MEGF10: variants seen among roughly 807,000 people sequenced by gnomAD.
MEGF10 encodes the protein multiple EGF like domains 10.
In MEGF10, 86 loss-of-function variants were observed where a neutral mutation model predicts 147.5. The ratio of observed to expected loss-of-function variants is 0.58; its 90% confidence interval spans 0.49 to 0.70. The LOEUF is 0.70. Ranked by LOEUF, MEGF10 falls within the 30% of genes least tolerant of loss-of-function variation. The probability of loss-of-function intolerance (pLI) is 0.00; values close to 1 mark genes in which losing one functional copy is unlikely to be tolerated. For synonymous variants in MEGF10, 478 were observed against 525.5 expected (o/e 0.91, Z 1.24); for missense variants, 1,329 against 1,487.3 (o/e 0.89, Z 1.75).
intron 4 of MEGF10, among the ~76,000 whole-genome samples, chr5:127,351,097 A>G (rs911331289): frequency 2.0e-5 from 3 of 152,240 alleles, no homozygotes; most frequent in South Asian, 2.1e-4. Context: ...CAGGGTGATT[A>G]TAGTCAGTAA....
chr5:127,460,239 A>T lies in MEGF10; in HGVS notation c.*2921A>T, dbSNP rs1766514664. 6.6e-6 allele frequency: 1 copy of T among 152,180 alleles called. No homozygotes were observed. Among genetic ancestry groups the T allele is most frequent in the South Asian group, 2.1e-4 (1 of 4,834 alleles). The allele number at this position is 152,180 out of a possible 1,614,324, so 9.4% of individuals were successfully genotyped here. A position where few individuals can be genotyped will look rare whatever the true frequency, so the allele number is the denominator to read the frequency against. On this transcript the variant is annotated 3_prime_UTR_variant, in exon 25 of 25. Transcript: ENST00000503335. Reference sequence around the variant, plus strand: ...TGATGTATCAGAAAATTTATAAGTTATTTGTATTTATATATAAGTACATCA... The same window carrying T: ...TGATGTATCAGAAAATTTATAAGTTTTTTGTATTTATATATAAGTACATCA...
chr5:127,389,139 C>G (rs1214190064), intron 5 of MEGF10, among the ~76,000 whole-genome samples: 1 of 152,188 alleles, frequency 6.6e-6, no homozygotes, highest in African/African-American at 2.4e-5. Flanking sequence ...GTACTGATGC[C>G]ACCACTGACT....
intron 2 of MEGF10, among the ~76,000 whole-genome samples, chr5:127,337,757 G>A (rs1761523632): frequency 6.6e-6 from 1 of 151,970 alleles, no homozygotes; most frequent in African/African-American, 2.4e-5. Flanking sequence ...CACCATCTCT[G>A]ACTCCTTTTA....
rs200071492 is a variant in MEGF10 at position 127,339,441 on chromosome 5, T to G, written c.218+220T>G. ...ACAGCCTAACTGCAGAGAAAGTGTC[T>G]GCTGTTTACCATCATTTGTTAACAA... On this transcript the variant is annotated intron_variant, in intron 3 of 24. Coordinates refer to ENST00000503335, the MANE Select transcript of MEGF10 (RefSeq NM_001256545.2). 4.6e-5 allele frequency among the ~76,000 whole-genome samples: 7 copies of G among 152,300 alleles called. No individual in the cohort carries two copies. The East Asian group carries it at 1.4e-3, about 29-fold the overall frequency.
Position 127,420,967 on chromosome 5 carries a change from G to A in MEGF10, c.1590+760G>A, listed in dbSNP as rs377341077. Among the ~76,000 whole-genome samples the A allele has an allele frequency of 2.8e-3, 431 of 152,136 alleles. 4 individuals are homozygous for A. Among genetic ancestry groups the A allele is most frequent in the African/African-American group, 9.9e-3 (410 of 41,502 alleles). On this transcript the variant is annotated intron_variant, in intron 12 of 24. Coordinates refer to ENST00000503335, the MANE Select transcript of MEGF10 (RefSeq NM_001256545.2). ...GTTAACAATGTGACCCCCTGAACTG[G>A]GCCCCTCGAGAAGGGCCTTCCACAA...
the MEGF10 span, among the ~76,000 whole-genome samples, chr5:127,284,923 C>T: frequency 1.6e-4 from 25 of 152,042 alleles, no homozygotes; most frequent in African/African-American, 5.6e-4. Context: ...ACTTAGTTTT[C>T]TTTATTCAAA....
chr5:127,416,475 T>C (rs1764784490), intron 9 of MEGF10, among the ~76,000 whole-genome samples: 1 of 152,194 alleles, frequency 6.6e-6, no homozygotes, highest in African/African-American at 2.4e-5. Flanking sequence ...TCTGGTCCTG[T>C]GAATCTAAAC....
Position 127,382,812 on chromosome 5 carries a change from G to A in MEGF10, c.412+12810G>A, listed in dbSNP as rs199718812. On this transcript the variant is annotated intron_variant, in intron 5 of 24. Coordinates refer to ENST00000503335, the MANE Select transcript of MEGF10 (RefSeq NM_001256545.2). ...GGGTAGGATAAGGTAATTCAGAGGC[G>A]AGAAACCTGATTGACCAATGAACAT... Among the ~76,000 whole-genome samples, 26 of 152,312 alleles carry A rather than the reference G, an allele frequency of 1.7e-4. No homozygotes were observed. In the East Asian group the frequency reaches 4.0e-3, roughly 24 times the overall value.
At chr5:127,239,461 A>AAT in the MEGF10 span, among the ~76,000 whole-genome samples, 31 of 131,308 alleles carry the variant, frequency 2.4e-4, 1 homozygote, top group South Asian at 2.8e-3. Flanking sequence ...TTATATATAA[A>AAT]ATATATATAT....
At chr5:127,453,974 C>A (rs1766259190) in intron 22 of MEGF10, among the ~76,000 whole-genome samples, 1 of 152,100 alleles carries the variant, frequency 6.6e-6, no homozygotes, top group African/African-American at 2.4e-5. Flanking sequence ...GGCCATTTTC[C>A]AATGAGAAAG....
At chr5:127,309,989 C>CTTTT (rs1163688984) in intron 1 of MEGF10, among the ~76,000 whole-genome samples, 1 of 77,428 alleles carries the variant, frequency 1.3e-5, no homozygotes, top group Admixed American at 1.2e-4. Context: ...TTCTTTCTTT[C>CTTTT]TTTCTTTCCT....
chr5:127,381,351 T>C (rs1383270008), intron 5 of MEGF10, among the ~76,000 whole-genome samples: 2 of 151,900 alleles, frequency 1.3e-5, no homozygotes, highest in Admixed American at 1.3e-4. Flanking sequence ...TTTAAAAGAA[T>C]GTTTGTACAG....
the MEGF10 span, among the ~76,000 whole-genome samples, chr5:127,266,760 C>A: frequency 5.7e-4 from 86 of 152,154 alleles, no homozygotes; most frequent in African/African-American, 2.0e-3. Context: ...GTGATTTTTG[C>A]ATATTAATTT....
intron 7 of MEGF10, among the ~76,000 whole-genome samples, chr5:127,400,421 C>T (rs1281697501): frequency 6.6e-6 from 1 of 152,200 alleles, no homozygotes; most frequent in Non-Finnish European, 1.5e-5. Flanking sequence ...AAGGCTACTC[C>T]TTCTCTACCT....
chr5:127,456,446 T>G (rs993422812), intron 24 of MEGF10, among the ~76,000 whole-genome samples: 4 of 152,202 alleles, frequency 2.6e-5, no homozygotes, highest in Non-Finnish European at 4.4e-5. Context: ...TCTGTCTCTA[T>G]TTCTATGTCT....
At chr5:127,432,898 G>A (rs78833395) in intron 13 of MEGF10, among the ~76,000 whole-genome samples, 2,096 of 152,264 alleles carry the variant, frequency 0.014, 29 homozygotes, top group East Asian at 0.05. Context: ...GTTATTTTAA[G>A]ATTATGTTTA....
Position 127,396,704 on chromosome 5 carries a change from C to G in MEGF10, c.585C>G (p.Cys195Trp). The change falls in exon 6 of 25, where the codon TGC becomes TGG. Residue 195 changes from cysteine (C) to tryptophan (W), a missense_variant. Coordinates refer to ENST00000503335, the MANE Select transcript of MEGF10 (RefSeq NM_001256545.2). ...GTYGNDCHQR[C>W]QCQNGATCDH... is the part of the protein sequence containing the mutation. ...ATGGTAACGACTGTCATCAGAGATG[C>G]CAGTGCCAGAATGGAGCCACCTGCG... 3 of 1,614,110 alleles carry G rather than the reference C, an allele frequency of 1.9e-6. No homozygotes were observed. The highest frequency in any genetic ancestry group is 2.5e-6 in the Non-Finnish European group (3 of 1,180,020).
intron 5 of MEGF10, among the ~76,000 whole-genome samples, chr5:127,378,939 T>C (rs752382719): frequency 6.6e-5 from 10 of 152,124 alleles, no homozygotes; most frequent in Non-Finnish European, 1.2e-4. Flanking sequence ...TTATATTGCT[T>C]CTGGCATAGT....
chr5:127,397,397 C>A (rs1406261313), intron 6 of MEGF10, among the ~76,000 whole-genome samples: 2 of 152,158 alleles, frequency 1.3e-5, no homozygotes, highest in Non-Finnish European at 2.9e-5. Context: ...AACATTCAAG[C>A]AACTACTTAA....
Sources: allele counts gnomAD v4.1 joint callset (sites outside exome capture counted in the v4.1 genomes callset), GRCh38; gene constraint gnomAD v4.1.1; transcripts MANE v1.5; gene names NCBI Gene and HGNC (gene_info 2026-07-23, HGNC 2026-07-21).